Variants in CCDC7 observed in about 807,000 individuals in gnomAD.
CCDC7 encodes coiled-coil domain-containing protein 7.
Under a neutral mutation model 196.9 loss-of-function variants are expected in CCDC7, and 183 were observed. The ratio of observed to expected loss-of-function variants is 0.93; its 90% CI spans 0.82 to 1.05. CCDC7 has a LOEUF of 1.05. CCDC7 is among the 50% of genes least tolerant of loss of function. CCDC7 has a pLI of 0.00. For synonymous variants in CCDC7, 525 were observed against 484.6 expected (o/e 1.08, Z -1.10); for missense variants, 1,540 against 1,482.2 (o/e 1.04, Z -0.64).
At chr10:32,744,470 G>C (rs755650154) in intron 28 of CCDC7, among the ~76,000 whole-genome samples, 5 of 151,732 alleles carry the variant, frequency 3.3e-5, no homozygotes, top group African/African-American at 7.3e-5. Context: ...GTTGCTACAC[G>C]TTCTTTTCTG....
chr10:32,804,947 ACACACC>A, intron 29 of CCDC7, 62 bp from the exon 31 acceptor site: 1 of 922,760 alleles, frequency 1.1e-6, no homozygotes, highest in East Asian at 2.4e-5. Flanking sequence ...ACACACACAC[ACACACC>A]CCTCACATTC....
chr10:32,843,037 A>G (rs2093069138), intron 33 of CCDC7, among the ~76,000 whole-genome samples: 1 of 152,008 alleles, frequency 6.6e-6, no homozygotes, highest in African/African-American at 2.4e-5. Context: ...TCACCACTAA[A>G]GAACTTAATC....
chr10:32,826,707 G>C (rs2091173769), intron 32 of CCDC7, among the ~76,000 whole-genome samples: 1 of 152,338 alleles, frequency 6.6e-6, no homozygotes, highest in East Asian at 1.9e-4. Context: ...CTGGTTCCCA[G>C]ATGGTTCTGC....
intron 18 of CCDC7, among the ~76,000 whole-genome samples, chr10:32,595,239 C>T (rs1488269835): frequency 6.6e-6 from 1 of 152,120 alleles, no homozygotes; most frequent in Non-Finnish European, 1.5e-5. Context: ...TGTTATTGGT[C>T]TATTCAGGGA....
intron 13 of CCDC7, among the ~76,000 whole-genome samples, chr10:32,553,928 G>A (rs1312498574): frequency 6.6e-6 from 1 of 152,176 alleles, no homozygotes; most frequent in Non-Finnish European, 1.5e-5. Flanking sequence ...GGTGGGTAGG[G>A]AAGGACCATA....
intron 9 of CCDC7, among the ~76,000 whole-genome samples, chr10:32,495,229 A>T (rs1001999049): frequency 7.9e-5 from 12 of 152,000 alleles, no homozygotes; most frequent in Non-Finnish European, 1.8e-4. Context: ...CCACTTTTTG[A>T]TGGGGTTGTT....
chr10:32,718,914 G>A (rs1471251509), intron 25 of CCDC7, among the ~76,000 whole-genome samples: 2 of 152,114 alleles, frequency 1.3e-5, no homozygotes, highest in African/African-American at 4.8e-5. Context: ...CTCATGGATA[G>A]GAATAATCAA....
At chr10:32,850,192 C>T (rs1040505067) in intron 39 of CCDC7, among the ~76,000 whole-genome samples, 1 of 152,144 alleles carries the variant, frequency 6.6e-6, no homozygotes, top group Non-Finnish European at 1.5e-5. Flanking sequence ...TGCAGATTTC[C>T]TCTATCTAGC....
chr10:32,659,899 T>G (rs1030869238), intron 20 of CCDC7, among the ~76,000 whole-genome samples: 37 of 152,284 alleles, frequency 2.4e-4, no homozygotes, highest in African/African-American at 8.4e-4. Flanking sequence ...GTTCAACCAT[T>G]GTGGAAGACA....
chr10:32,791,904 A>T (rs1189315497), intron 29 of CCDC7, among the ~76,000 whole-genome samples: 2 of 152,222 alleles, frequency 1.3e-5, no homozygotes, highest in African/African-American at 4.8e-5. Context: ...AGTCCAAAAA[A>T]GTCATTTTCA....
chr10:32,839,905 T>C (rs1402964416), intron 33 of CCDC7, among the ~76,000 whole-genome samples: 1 of 152,020 alleles, frequency 6.6e-6, no homozygotes, highest in African/African-American at 2.4e-5. Flanking sequence ...AGAATGATCA[T>C]TGGGTCAACA....
At chr10:32,594,517 T>A (rs1220376563) in intron 18 of CCDC7, among the ~76,000 whole-genome samples, 1 of 152,190 alleles carries the variant, frequency 6.6e-6, no homozygotes. Flanking sequence ...TGACTTCCTC[T>A]TTTCCTAATT....
chr10:32,465,661 T>C (rs1258340524), intron 5 of CCDC7, among the ~76,000 whole-genome samples: 2 of 152,172 alleles, frequency 1.3e-5, no homozygotes, highest in Admixed American at 1.3e-4. Context: ...CCAAACTTTC[T>C]CCCTAGGCAG....
At chr10:32,502,394 G>C (rs1304594641) in intron 9 of CCDC7, among the ~76,000 whole-genome samples, 22 of 152,114 alleles carry the variant, frequency 1.4e-4, no homozygotes. Flanking sequence ...TGCATCCACT[G>C]TCCAACCAGT....
In CCDC7 at chr10:32,834,781, C is replaced by A; in HGVS notation, c.3269-34C>A. ...CGGACATATGTTACAATTTACCTTT[C>A]AAAGCGTTTTGAAAACCTGTTTTAT... On this transcript the variant is annotated intron_variant, in intron 32 of 41. Transcript: ENST00000639629. 3 of 976,514 alleles carry A rather than the reference C, an allele frequency of 3.1e-6. No individual in the cohort carries two copies. The South Asian group carries it at 4.1e-5, about 13-fold the overall frequency. 60.5% of individuals were successfully genotyped at this position (976,514 alleles called of 1,614,324 possible).
At chr10:32,614,867 C>G (rs2062605364) in intron 18 of CCDC7, among the ~76,000 whole-genome samples, 1 of 152,176 alleles carries the variant, frequency 6.6e-6, no homozygotes, top group South Asian at 2.1e-4. Context: ...TATAGTTTAG[C>G]TCCACTTATA....
intron 9 of CCDC7, chr10:32,514,392 C>T (rs796106387): frequency 2.6e-4 from 39 of 152,238 alleles, no homozygotes; most frequent in African/African-American, 8.4e-4. Context: ...GGAAATACTG[C>T]TAATGTAAAG....
At chr10:32,462,050 G>T (rs1257492577) in intron 3 of CCDC7, among the ~76,000 whole-genome samples, 1 of 151,856 alleles carries the variant, frequency 6.6e-6, no homozygotes, top group Non-Finnish European at 1.5e-5. Flanking sequence ...GGGATTACAG[G>T]CATGAGCCAC....
intron 24 of CCDC7, among the ~76,000 whole-genome samples, chr10:32,703,124 AT>A (rs2079049380): frequency 6.6e-6 from 1 of 152,106 alleles, no homozygotes. Flanking sequence ...GGTCTTTACA[AT>A]TTGGCATGTT....
Sources: gnomAD v4.1 joint callset for allele counts (sites outside exome capture counted in the v4.1 genomes callset) on GRCh38, gnomAD v4.1.1 for gene constraint, MANE v1.5 for transcripts, NCBI Gene and HGNC (gene_info 2026-07-23, HGNC 2026-07-21) for gene names.